MAST4: variants seen among roughly 807,000 people sequenced by gnomAD.
MAST4 encodes microtubule associated serine/threonine kinase family member 4, also known as microtubule-associated serine/threonine-protein kinase 4.
In MAST4, 89 loss-of-function variants were observed where a neutral mutation model predicts 162.7. The ratio of observed to expected loss-of-function variants is 0.55; its 90% confidence interval spans 0.46 to 0.65. The LOEUF (loss-of-function observed/expected upper bound fraction) is 0.65, where lower values mean the gene tolerates loss of function less well. Among genes scored for constraint, MAST4 ranks in the 30% least tolerant of loss-of-function variants. MAST4 has a pLI of 0.00. For synonymous variants in MAST4, 1,479 were observed against 1,361.1 expected (o/e 1.09, Z -1.91); for missense variants, 3,153 against 3,374.0 (o/e 0.93, Z 1.62).
chr5:66,649,371 C>T (rs747840715), intron 1 of MAST4, among the ~76,000 whole-genome samples: 9 of 152,092 alleles, frequency 5.9e-5, no homozygotes, highest in South Asian at 2.1e-4. Flanking sequence ...CGTGTCTCTC[C>T]GGTAAGTAGA....
intron 1 of MAST4, among the ~76,000 whole-genome samples, chr5:66,631,266 T>G (rs1580049513): frequency 6.6e-6 from 1 of 152,192 alleles, no homozygotes; most frequent in Non-Finnish European, 1.5e-5. Context: ...TGTTGTCTTC[T>G]GGTCCTTTAC....
At chr5:66,597,292 A>G (rs1476023825) in intron 1 of MAST4, among the ~76,000 whole-genome samples, 1 of 152,204 alleles carries the variant, frequency 6.6e-6, no homozygotes, top group African/African-American at 2.4e-5. Flanking sequence ...TCGTGTTTGT[A>G]TCTGACTTGG....
intron 4 of MAST4, among the ~76,000 whole-genome samples, chr5:67,028,304 C>A (rs984924482): frequency 1.3e-5 from 2 of 152,042 alleles, no homozygotes; most frequent in Non-Finnish European, 2.9e-5. Context: ...TACAGAGACT[C>A]GAGTGAGAGT....
intron 4 of MAST4, among the ~76,000 whole-genome samples, chr5:66,919,596 G>C (rs1764349247): frequency 6.7e-6 from 1 of 150,156 alleles, no homozygotes; most frequent in Admixed American, 6.7e-5. Flanking sequence ...ACGAGGCAGA[G>C]GTTGCAGTGA....
At chr5:66,759,621 A>G in intron 1 of MAST4, 88 bp from the exon 2 acceptor site, 1 of 1,490,626 alleles carries the variant, frequency 6.7e-7, no homozygotes, top group Non-Finnish European at 9.1e-7. Context: ...GAAGGAAAAG[A>G]AAGGAAGAAA....
At chr5:66,785,984 T>C (rs1375646531) in intron 2 of MAST4, among the ~76,000 whole-genome samples, 1 of 152,168 alleles carries the variant, frequency 6.6e-6, no homozygotes, top group South Asian at 2.1e-4. Flanking sequence ...TCCTCCCTTC[T>C]CAGCCTCCTG....
At chr5:66,990,454 T>C (rs1749953218) in intron 4 of MAST4, among the ~76,000 whole-genome samples, 1 of 152,018 alleles carries the variant, frequency 6.6e-6, no homozygotes, top group African/African-American at 2.4e-5. Context: ...TGGGAAAACA[T>C]AGGGAGACCT....
intron 14 of MAST4, among the ~76,000 whole-genome samples, chr5:67,123,981 A>G (rs1767888758): frequency 6.6e-6 from 1 of 152,154 alleles, no homozygotes; most frequent in Non-Finnish European, 1.5e-5. Context: ...GAGATTTGCT[A>G]GCACGGAGTC....
At chr5:67,070,609 A>G (rs1050838782) in intron 5 of MAST4, among the ~76,000 whole-genome samples, 2 of 152,222 alleles carry the variant, frequency 1.3e-5, no homozygotes. Flanking sequence ...TAAAATACCC[A>G]TAACATCTGC....
intron 4 of MAST4, among the ~76,000 whole-genome samples, chr5:66,987,314 A>T (rs1749627031): frequency 6.6e-6 from 1 of 152,228 alleles, no homozygotes; most frequent in African/African-American, 2.4e-5. Flanking sequence ...TAGCATATAG[A>T]GTATGCTGAT....
Position 67,169,143 on chromosome 5 carries a change from C to G in MAST4, c.*2092C>G, listed in dbSNP as rs1349004935. On this transcript the variant is annotated 3_prime_UTR_variant, in exon 29 of 29. Transcript: ENST00000403625. ...GGACAAGTCTGTCGGGGAGGTAGTT[C>G]ATGGTTTACAAGCCTTTGCTTTTTA... The G allele has an allele frequency of 6.6e-6, 1 of 152,214 alleles. No individual in the cohort carries two copies. The allele number at this position is 152,214 out of a possible 1,614,324, so 9.4% of individuals were successfully genotyped here. A position where few individuals can be genotyped will look rare whatever the true frequency, so the allele number is the denominator to read the frequency against.
At chr5:66,901,956 T>G (rs1356148558) in intron 4 of MAST4, among the ~76,000 whole-genome samples, 1 of 152,164 alleles carries the variant, frequency 6.6e-6, no homozygotes, top group Non-Finnish European at 1.5e-5. Context: ...GCTAGAGTGA[T>G]TTTATACAAA....
intron 1 of MAST4, among the ~76,000 whole-genome samples, chr5:66,645,758 T>C (rs564051289): frequency 2.2e-4 from 34 of 152,344 alleles, no homozygotes; most frequent in African/African-American, 7.7e-4. Context: ...TATGTGCTTT[T>C]ATTATAAAAA....
intron 3 of MAST4, among the ~76,000 whole-genome samples, chr5:66,832,455 T>C (rs932535095): frequency 6.6e-6 from 1 of 152,056 alleles, no homozygotes; most frequent in African/African-American, 2.4e-5. Context: ...TCCCACCTTA[T>C]TTAAAACAAC....
At chr5:66,733,270 C>G (rs750709099) in intron 1 of MAST4, among the ~76,000 whole-genome samples, 1 of 152,134 alleles carries the variant, frequency 6.6e-6, no homozygotes. Flanking sequence ...TCTGACTATT[C>G]CTCTCCCGCT....
intron 1 of MAST4, among the ~76,000 whole-genome samples, chr5:66,605,112 TAAGAC>T (rs757021116): frequency 3.3e-5 from 5 of 152,186 alleles, no homozygotes; most frequent in African/African-American, 4.8e-5. Context: ...ACCTCCTACA[TAAGAC>T]AAACTCACAA....
intron 5 of MAST4, among the ~76,000 whole-genome samples, chr5:67,085,367 G>A (rs1253435874): frequency 6.6e-6 from 1 of 151,922 alleles, no homozygotes; most frequent in Non-Finnish European, 1.5e-5. Flanking sequence ...TTCCACTCTT[G>A]CCTGCTTAAA....
chr5:66,738,800 C>CTT (rs1446334428), intron 1 of MAST4, among the ~76,000 whole-genome samples: 1 of 152,188 alleles, frequency 6.6e-6, no homozygotes, highest in Non-Finnish European at 1.5e-5. Context: ...CCACACCATA[C>CTT]TTTTAGGCTG....
intron 2 of MAST4, among the ~76,000 whole-genome samples, chr5:66,765,149 C>T (rs1048074316): frequency 8.5e-5 from 13 of 152,154 alleles, no homozygotes; most frequent in Admixed American, 7.2e-4. Flanking sequence ...CAGTAGGCTA[C>T]ACCATCTAAG....
Sources: allele counts gnomAD v4.1 joint callset (sites outside exome capture counted in the v4.1 genomes callset), GRCh38; gene constraint gnomAD v4.1.1; transcripts MANE v1.5; gene names NCBI Gene and HGNC (gene_info 2026-07-23, HGNC 2026-07-21).